C6: variants seen among roughly 807,000 people sequenced by gnomAD.
C6 encodes complement component C6.
Under a neutral mutation model 112.9 loss-of-function variants are expected in C6, and 101 were observed. That is an observed-to-expected ratio of 0.89 (90% CI 0.76 to 1.06). The LOEUF is 1.06. Ranked by LOEUF, C6 falls within the 50% of genes least tolerant of loss-of-function variation. The pLI is 0.00. For missense variants in C6, 1,202 were observed against 1,104.6 expected, an observed-to-expected ratio of 1.09 and a Z score of -1.25; for synonymous variants, 431 against 384.1, an observed-to-expected ratio of 1.12 and a Z score of -1.43.
chr5:41,203,400 T>G lies in C6; in HGVS notation c.-20-150A>C, dbSNP rs1199804371. Reference sequence around the variant, plus strand: ...GCAAGTCAACACCTACAAATTCACATGCTCGTGAGTACAAATCCTATTTTT... The same window carrying G: ...GCAAGTCAACACCTACAAATTCACAGGCTCGTGAGTACAAATCCTATTTTT... On this transcript the variant is annotated intron_variant, in intron 1 of 17. Coordinates refer to ENST00000337836, the MANE Select transcript of C6 (RefSeq NM_000065.5). The G allele has an allele frequency of 5.4e-5, 39 of 723,012 alleles. No individual in the cohort carries two copies. The South Asian group carries it at 5.8e-4, about 11-fold the overall frequency. The allele number at this position is 723,012 out of a possible 1,614,324, so 44.8% of individuals were successfully genotyped here.
intron 1 of C6, among the ~76,000 whole-genome samples, chr5:41,207,634 C>G (rs1298692301): frequency 9.9e-5 from 15 of 152,090 alleles, no homozygotes; most frequent in Non-Finnish European, 1.9e-4. Flanking sequence ...ACAAAGAAGG[C>G]CATTACATAA....
chr5:41,217,961 T>A (rs1461162837), upstream of C6, among the ~76,000 whole-genome samples: 1 of 152,108 alleles, frequency 6.6e-6, no homozygotes, highest in Non-Finnish European at 1.5e-5. Context: ...ACAATGAAAA[T>A]CACAATCTAA....
At chr5:41,239,770 T>C (rs936583353) in intron 1 of C6, among the ~76,000 whole-genome samples, 1 of 152,200 alleles carries the variant, frequency 6.6e-6, no homozygotes, top group Non-Finnish European at 1.5e-5. Context: ...TTGGACTCCC[T>C]GAAGCATATC....
At chr5:41,148,149 T>C (rs1430440102) in intron 17 of C6, among the ~76,000 whole-genome samples, 1 of 152,160 alleles carries the variant, frequency 6.6e-6, no homozygotes, top group Non-Finnish European at 1.5e-5. Context: ...TTATTTGTGA[T>C]AGATTTAGGT....
chr5:41,187,134 T>C (rs1000407950), intron 5 of C6, among the ~76,000 whole-genome samples: 2 of 152,210 alleles, frequency 1.3e-5, no homozygotes, highest in African/African-American at 4.8e-5. Flanking sequence ...TCATAGAACA[T>C]GTAGTGTAGT....
chr5:41,209,446 T>C (rs1751713799), intron 1 of C6, among the ~76,000 whole-genome samples: 1 of 152,214 alleles, frequency 6.6e-6, no homozygotes, highest in African/African-American at 2.4e-5. Flanking sequence ...TGTTTGCAGA[T>C]GACATGATTG....
intron 5 of C6, among the ~76,000 whole-genome samples, chr5:41,190,635 T>C (rs1750123164): frequency 6.6e-6 from 1 of 152,228 alleles, no homozygotes; most frequent in South Asian, 2.1e-4. Context: ...TTTGCTTTTG[T>C]TGCTTCTGCT....
intron 1 of C6, among the ~76,000 whole-genome samples, chr5:41,232,253 G>A (rs1436953211): frequency 6.6e-6 from 1 of 152,080 alleles, no homozygotes; most frequent in East Asian, 1.9e-4. Context: ...CGTATCCCTT[G>A]AGTTGTGGCC....
upstream of C6, chr5:41,213,551 G>A (rs1752072258): frequency 2.0e-6 from 2 of 985,216 alleles, no homozygotes; most frequent in African/African-American, 3.5e-5. Context: ...CTAGAGGGTT[G>A]TCAAAATAAA....
At chr5:41,232,072 A>G in intron 1 of C6, among the ~76,000 whole-genome samples, 1 of 152,136 alleles carries the variant, frequency 6.6e-6, no homozygotes, top group African/African-American at 2.4e-5. Context: ...CTCCTAATTC[A>G]TAGCTGTCTT....
At chr5:41,206,715 A>T (rs896329033) in intron 1 of C6, among the ~76,000 whole-genome samples, 1 of 152,220 alleles carries the variant, frequency 6.6e-6, no homozygotes, top group Non-Finnish European at 1.5e-5. Context: ...TCCAAGAAAT[A>T]TGGGACTATG....
intron 6 of C6, among the ~76,000 whole-genome samples, chr5:41,184,617 G>A (rs913222054): frequency 6.6e-6 from 1 of 151,958 alleles, no homozygotes; most frequent in Non-Finnish European, 1.5e-5. Context: ...AACTACAGGT[G>A]TGCACCACTA....
At chr5:41,156,530 T>C (rs1746929625) in intron 13 of C6, among the ~76,000 whole-genome samples, 1 of 152,184 alleles carries the variant, frequency 6.6e-6, no homozygotes, top group African/African-American at 2.4e-5. Flanking sequence ...AATACAATTT[T>C]CCTTTACTGA....
At chr5:41,202,894 C>T (rs189463592) in intron 2 of C6, among the ~76,000 whole-genome samples, 194 bp downstream of exon 2, 3 of 152,324 alleles carry the variant, frequency 2.0e-5, no homozygotes, top group African/African-American at 4.8e-5. Context: ...TGAAACCCCT[C>T]GTTCTTGTAG....
chr5:41,239,432 TGTTGGGAATGTTTC>T (rs1241243628), intron 1 of C6, among the ~76,000 whole-genome samples: 1 of 152,082 alleles, frequency 6.6e-6, no homozygotes, highest in Non-Finnish European at 1.5e-5. Flanking sequence ...CATTTCTATG[TGTTGGGAATGTTTC>T]AAGTCATCTC....
intron 1 of C6, among the ~76,000 whole-genome samples, chr5:41,254,500 C>T (rs1741561955): frequency 6.6e-6 from 1 of 152,184 alleles, no homozygotes; most frequent in African/African-American, 2.4e-5. Context: ...GTATAGCCTC[C>T]ATTTCTTAGG....
intron 1 of C6, among the ~76,000 whole-genome samples, chr5:41,211,413 C>T (rs1277140579): frequency 6.6e-6 from 1 of 151,764 alleles, no homozygotes; most frequent in Non-Finnish European, 1.5e-5. Flanking sequence ...GCTTTTTTTC[C>T]CACTCCACTT....
At chr5:41,234,314 G>T (rs145666516) in intron 1 of C6, among the ~76,000 whole-genome samples, 1,589 of 150,630 alleles carry the variant, frequency 0.011, 17 homozygotes, top group Non-Finnish European at 0.017. Context: ...TCCAGTGTGG[G>T]ATACTTTGTT....
chr5:41,169,697 G>A (rs1000744659), intron 9 of C6, among the ~76,000 whole-genome samples: 4 of 152,048 alleles, frequency 2.6e-5, no homozygotes, highest in Non-Finnish European at 4.4e-5. Flanking sequence ...TAGGAGGAGG[G>A]TGAAGGGGAA....
Sources: allele counts gnomAD v4.1 joint callset (sites outside exome capture counted in the v4.1 genomes callset), GRCh38; gene constraint gnomAD v4.1.1; transcripts MANE v1.5; gene names NCBI Gene and HGNC (gene_info 2026-07-23, HGNC 2026-07-21).